Variants in PREX2 observed in about 807,000 individuals in gnomAD.
PREX2 encodes the protein phosphatidylinositol 3,4,5-trisphosphate-dependent Rac exchanger 2 protein.
In PREX2, 107 loss-of-function variants were observed where a neutral mutation model predicts 203.2. That is an observed-to-expected ratio of 0.53 (90% CI 0.45 to 0.62). The LOEUF is 0.62. PREX2 is among the 20% of genes least tolerant of loss of function. The pLI is 0.00. For missense variants in PREX2, 1,777 were observed against 1,955.9 expected (o/e 0.91, Z 1.72); for synonymous variants, 672 against 663.6 (o/e 1.01, Z -0.19).
In PREX2 at chr8:68,017,858, AGAATGAACCAGTG is replaced by A; in HGVS notation, c.155_167del (p.Arg52MetfsTer10). The stretch of plus-strand genomic sequence containing the variant: ...TTGTTTCATGCAGGCATTCTTACAC[AGAATGAACCAGTG>A]TGCAGCATCAAAAGTTGACAAAAAT... On this transcript the variant is annotated frameshift_variant, in exon 2 of 40. Coordinates refer to ENST00000288368, the MANE Select transcript of PREX2 (RefSeq NM_024870.4). LOFTEE classifies it high-confidence loss of function. 1 of 1,612,540 alleles carries A rather than the reference AGAATGAACCAGTG, an allele frequency of 6.2e-7. No homozygotes were observed. The highest frequency in any genetic ancestry group is 8.5e-7 in the Non-Finnish European group (1 of 1,178,984).
chr8:67,957,027 T>C (rs1004416866), intron 1 of PREX2, among the ~76,000 whole-genome samples: 2 of 152,254 alleles, frequency 1.3e-5, no homozygotes, highest in Non-Finnish European at 2.9e-5. Flanking sequence ...GATATATGCA[T>C]TGGGCTTGGC....
In PREX2 at chr8:68,022,059, T is replaced by C. The variant is rs1339249419; in HGVS notation, c.360T>C (p.Asp120=). The part of the protein sequence containing the change: ...LHFKDKFRIY[D]EYCSNHEKAQ... ...AGAAAGACAAGTTTCGTATCTATGA[T>C]GAATATTGTAGTAACCATGAGAAGG... The change falls in exon 4 of 40, where the codon GAT becomes GAC. Residue 120 remains aspartate (D), a synonymous_variant. Transcript: ENST00000288368. The C allele has an allele frequency of 6.6e-7, 1 of 1,515,174 alleles. No homozygotes were observed. The allele number at this position is 1,515,174 out of a possible 1,614,324, so 93.9% of individuals were successfully genotyped here. A position where few individuals can be genotyped will look rare whatever the true frequency, so the allele number is the denominator to read the frequency against.
intron 19 of PREX2, 100 bp from the exon 20 acceptor site, chr8:68,090,479 T>G: frequency 9.6e-7 from 1 of 1,040,700 alleles, no homozygotes; most frequent in Non-Finnish European, 1.4e-6. Context: ...TAGCTAGACT[T>G]TGATCATATT....
intron 37 of PREX2, among the ~76,000 whole-genome samples, chr8:68,204,051 A>G (rs1812561390): frequency 6.6e-6 from 1 of 151,764 alleles, no homozygotes; most frequent in South Asian, 2.1e-4. Context: ...CCACCCACCA[A>G]AATAGAAATG....
At chr8:67,982,726 T>A (rs1806307340) in intron 1 of PREX2, among the ~76,000 whole-genome samples, 2 of 152,234 alleles carry the variant, frequency 1.3e-5, no homozygotes, top group South Asian at 4.1e-4. Flanking sequence ...GCATACAGCC[T>A]CTCAAAGCCA....
intron 35 of PREX2, among the ~76,000 whole-genome samples, chr8:68,175,260 T>C (rs959511896): frequency 9.2e-5 from 14 of 151,762 alleles, no homozygotes; most frequent in Non-Finnish European, 1.6e-4. Flanking sequence ...GACTATAATA[T>C]GTGGGAAGGG....
intron 1 of PREX2, among the ~76,000 whole-genome samples, chr8:67,993,674 C>T (rs1378722529): frequency 6.6e-6 from 1 of 152,154 alleles, no homozygotes; most frequent in Admixed American, 6.5e-5. Context: ...TCCCAAAGTG[C>T]TGGGGTTACA....
intron 2 of PREX2, 121 bp from the exon 3 acceptor site, chr8:68,019,428 G>A (rs1459696093): frequency 8.4e-6 from 6 of 712,120 alleles, no homozygotes; most frequent in Admixed American, 3.6e-5. Flanking sequence ...AGGCTCTGTC[G>A]GCAAGGTGGG....
intron 1 of PREX2, among the ~76,000 whole-genome samples, chr8:67,966,538 C>T (rs7824236): frequency 2.0e-5 from 3 of 151,568 alleles, no homozygotes; most frequent in African/African-American, 7.3e-5. Context: ...GAAGTGGGAG[C>T]ATCTTTTAAG....
At chr8:68,042,456 CT>C (rs895791441) in intron 7 of PREX2, among the ~76,000 whole-genome samples, 1 of 151,934 alleles carries the variant, frequency 6.6e-6, no homozygotes, top group Non-Finnish European at 1.5e-5. Flanking sequence ...AACATAGTTT[CT>C]AAAAATATAT....
At position 68,133,922 on chromosome 8, in the gene PREX2, A is replaced by G. The variant is rs947580659; in HGVS notation, c.3767-137A>G. 12 of 659,174 alleles carry G rather than the reference A, an allele frequency of 1.8e-5. No individual in the cohort carries two copies. In the Admixed American group the frequency reaches 2.5e-4, roughly 14 times the overall value. The allele number at this position is 659,174 out of a possible 1,614,324, so 40.8% of individuals were successfully genotyped here. ...TGCTAGAATGTGTGTGGTCATTTAT[A>G]GAGCTCAAATTCACATTTTTCACAT... On this transcript the variant is annotated intron_variant, in intron 31 of 39. Transcript: ENST00000288368.
rs769006967 is a variant in PREX2 at position 68,027,265 on chromosome 8, T to C, written c.485T>C (p.Leu162Ser). ...GGACGGAAGAACACAGATGTTCCCT[T>C]GGAAGGATATTTAGTAACACCAATA... ...LGGRKNTDVP[L>S]EGYLVTPIQR... The change falls in exon 5 of 40, where the codon TTG becomes TCG. Residue 162 changes from leucine (L) to serine (S), a missense_variant. Leu to Ser is a moderately radical substitution (Grantham distance 145). Coordinates refer to ENST00000288368, the MANE Select transcript of PREX2 (RefSeq NM_024870.4). 1 of 1,612,398 alleles carries C rather than the reference T, an allele frequency of 6.2e-7. No homozygotes were observed. The highest frequency in any genetic ancestry group is 8.5e-7 in the Non-Finnish European group (1 of 1,178,712).
At chr8:68,203,169 C>T (rs1424173624) in intron 37 of PREX2, among the ~76,000 whole-genome samples, 1 of 152,164 alleles carries the variant, frequency 6.6e-6, no homozygotes, top group Non-Finnish European at 1.5e-5. Context: ...GGCTCAGTGC[C>T]TACTGAAGCA....
At chr8:68,073,896 CT>C (rs922800555) in intron 14 of PREX2, among the ~76,000 whole-genome samples, 28 of 147,810 alleles carry the variant, frequency 1.9e-4, no homozygotes, top group Non-Finnish European at 2.3e-4. Context: ...CAGGTATCAA[CT>C]TTTTTTTTTG....
chr8:68,215,262 A>G (rs1347497253), intron 37 of PREX2, among the ~76,000 whole-genome samples: 2 of 152,176 alleles, frequency 1.3e-5, no homozygotes, highest in African/African-American at 4.8e-5. Context: ...AAAACCCTTC[A>G]CAGTGTGTAA....
chr8:68,024,607 T>C (rs987528441), intron 4 of PREX2, among the ~76,000 whole-genome samples: 3 of 152,028 alleles, frequency 2.0e-5, no homozygotes, highest in Non-Finnish European at 4.4e-5. Flanking sequence ...AGTCTGACAG[T>C]CTCTGGGGTC....
chr8:67,958,228 C>A (rs1402167906), intron 1 of PREX2, among the ~76,000 whole-genome samples: 1 of 152,154 alleles, frequency 6.6e-6, no homozygotes, highest in East Asian at 1.9e-4. Flanking sequence ...GGAGCTGCGA[C>A]ACTAGAGCCA....
At chr8:68,075,499 A>T (rs1809321932) in intron 14 of PREX2, among the ~76,000 whole-genome samples, 1 of 152,182 alleles carries the variant, frequency 6.6e-6, no homozygotes, top group Non-Finnish European at 1.5e-5. Flanking sequence ...CAGATCCTCT[A>T]GCCTAGGCTC....
chr8:68,083,346 G>T lies in PREX2; in HGVS notation c.1985G>T (p.Ser662Ile). ...TGCTTCCTGAAATCGTGTTTAAACA[G>T]CAGAAAACCTCTAAGAGTTCTTGTG... ...VDCFLKSCLNSRKPLRVLVST... is the reference protein window; with the variant it reads ...VDCFLKSCLNIRKPLRVLVST... Residue 662 changes from serine to isoleucine, a missense_variant, in exon 18 of 40, where the codon AGC becomes ATC. Physicochemically the swap from Ser to Ile is moderately radical, Grantham distance 142 (BLOSUM62 -2). Transcript: ENST00000288368. 1 of 1,611,588 alleles carries T rather than the reference G, an allele frequency of 6.2e-7. No homozygotes were observed.
Sources: allele counts gnomAD v4.1 joint callset (sites outside exome capture counted in the v4.1 genomes callset), GRCh38; gene constraint gnomAD v4.1.1; transcripts MANE v1.5; gene names NCBI Gene and HGNC (gene_info 2026-07-23, HGNC 2026-07-21).